PCDHGA1: variants seen among roughly 807,000 people sequenced by gnomAD.
PCDHGA1 encodes protocadherin gamma subfamily A, 1.
A neutral mutation model predicts 58.0 loss-of-function variants in PCDHGA1; 32 were observed. The ratio of observed to expected loss-of-function variants is 0.55; its 90% CI spans 0.42 to 0.74. The LOEUF (loss-of-function observed/expected upper bound fraction) is 0.74. Ranked by LOEUF, PCDHGA1 falls within the 30% of genes least tolerant of loss-of-function variation. PCDHGA1 has a pLI of 0.00. For synonymous variants in PCDHGA1, 498 were observed against 501.1 expected (o/e 0.99, Z 0.08); for missense variants, 1,205 against 1,182.3 (o/e 1.02, Z -0.28).
intron 1 of PCDHGA1, chr5:141,390,525 G>C: frequency 1.8e-6 from 1 of 552,024 alleles, no homozygotes; most frequent in Non-Finnish European, 3.2e-6. Context: ...CAATGAGGGT[G>C]TGGTTTTAAC....
intron 3 of PCDHGA1, among the ~76,000 whole-genome samples, chr5:141,506,948 G>A (rs949082646): frequency 6.6e-6 from 1 of 152,162 alleles, no homozygotes; most frequent in Non-Finnish European, 1.5e-5. Flanking sequence ...TCCTGTCAAT[G>A]AATCCTCTCA....
intron 1 of PCDHGA1, among the ~76,000 whole-genome samples, chr5:141,444,771 T>C (rs987549188): frequency 6.6e-6 from 1 of 152,246 alleles, no homozygotes; most frequent in African/African-American, 2.4e-5. Context: ...TTCTATATTC[T>C]TGATCATGTT....
intron 1 of PCDHGA1, chr5:141,350,994 G>A: frequency 1.2e-6 from 2 of 1,614,076 alleles, no homozygotes; most frequent in South Asian, 1.1e-5. Flanking sequence ...GAGGTATACA[G>A]GGTTAGCCTC....
intron 1 of PCDHGA1, chr5:141,393,748 G>A (rs368249829): frequency 1.2e-6 from 2 of 1,613,866 alleles, no homozygotes; most frequent in Non-Finnish European, 8.5e-7. Flanking sequence ...TATGAAGAAT[G>A]TTCATTTTAT....
At chr5:141,351,238 C>G in intron 1 of PCDHGA1, 1 of 1,614,038 alleles carries the variant, frequency 6.2e-7, no homozygotes. Context: ...ACACAGCTCA[C>G]TGTAATGTTC....
chr5:141,502,037 C>T (rs2154593041), intron 2 of PCDHGA1, among the ~76,000 whole-genome samples: 1 of 152,302 alleles, frequency 6.6e-6, no homozygotes, highest in East Asian at 1.9e-4. Context: ...CGCCGCTTGC[C>T]TGCTCTCCCT....
At chr5:141,403,524 A>T in intron 1 of PCDHGA1, 1 of 1,613,890 alleles carries the variant, frequency 6.2e-7, no homozygotes. Context: ...GGAGCCATAA[A>T]CCCAGAGCTG....
intron 1 of PCDHGA1, chr5:141,405,129 G>C: frequency 6.2e-7 from 1 of 1,613,964 alleles, no homozygotes. Flanking sequence ...CATCTGCTGC[G>C]GGCTACCAGT....
At position 141,477,532 on chromosome 5, in the gene PCDHGA1, CG is replaced by C; in HGVS notation, c.2422-17271del. 6.2e-7 allele frequency: 1 copy of C among 1,614,146 alleles called. No individual in the cohort carries two copies. The highest frequency in any genetic ancestry group is 8.5e-7 in the Non-Finnish European group (1 of 1,180,028). Reference sequence around the variant, plus strand: ...TTTACATTGAAGAAAACAACCTCCCCGGGGCTCCAATACTAAACCTAAGTGT... The same window carrying C: ...TTTACATTGAAGAAAACAACCTCCCCGGGCTCCAATACTAAACCTAAGTGT... On this transcript the variant is annotated intron_variant, in intron 1 of 3. Transcript: ENST00000517417. This position sits in a 1 kb window ranked among gnomAD's most constrained non-coding sequence, Gnocchi z 4.9.
chr5:141,345,381 C>T (rs1360019726), intron 1 of PCDHGA1: 1 of 1,613,992 alleles, frequency 6.2e-7, no homozygotes, highest in Non-Finnish European at 8.5e-7. Context: ...TGACAACCCA[C>T]CCACCTTCCC....
At chr5:141,382,787 T>A in intron 1 of PCDHGA1, 1 of 906,454 alleles carries the variant, frequency 1.1e-6, no homozygotes, top group Non-Finnish European at 1.7e-6. Context: ...CTCAAGCCTC[T>A]ATCCTGCTGG....
intron 1 of PCDHGA1, chr5:141,398,109 G>T: frequency 6.3e-7 from 1 of 1,594,204 alleles, no homozygotes; most frequent in Non-Finnish European, 8.5e-7. Context: ...TGGTGAGCAA[G>T]CTGAGGAGAG....
At chr5:141,349,887 T>C (rs975858000) in intron 1 of PCDHGA1, among the ~76,000 whole-genome samples, 1 of 152,178 alleles carries the variant, frequency 6.6e-6, no homozygotes, top group African/African-American at 2.4e-5. Context: ...CCTTATCTGA[T>C]GATGACAAAC....
In PCDHGA1 at chr5:141,331,934, G is replaced by T; in HGVS notation, c.1250G>T (p.Gly417Val). Reference protein sequence around the residue: ...ERTLDRELISGYNITITAIDQ... With the variant: ...ERTLDRELISVYNITITAIDQ... ...ACACTGGACAGAGAACTTATCTCTG[G>T]GTACAACATCACAATAACAGCAATA... The change falls in exon 1 of 4, where the codon GGG becomes GTG. Residue 417 changes from glycine (G) to valine (V), a missense_variant. By Grantham distance (109) the Gly-to-Val change is moderately radical. Coordinates refer to ENST00000517417, the MANE Select transcript of PCDHGA1 (RefSeq NM_018912.3). 6.2e-7 allele frequency: 1 copy of T among 1,613,964 alleles called. No individual in the cohort carries two copies. The highest frequency in any genetic ancestry group is 8.5e-7 in the Non-Finnish European group (1 of 1,180,000).
intron 1 of PCDHGA1, among the ~76,000 whole-genome samples, chr5:141,463,135 C>T (rs1352400365): frequency 6.6e-6 from 1 of 152,246 alleles, no homozygotes; most frequent in Middle Eastern, 3.4e-3. Context: ...GGCAGTTCTT[C>T]GCCCAGCTGC....
intron 1 of PCDHGA1, chr5:141,355,058 T>C (rs1759702915): frequency 1.6e-6 from 2 of 1,271,556 alleles, no homozygotes; most frequent in Non-Finnish European, 1.1e-6. Context: ...GCACTGGCTC[T>C]GGAGCTTTAT....
intron 2 of PCDHGA1, among the ~76,000 whole-genome samples, chr5:141,499,083 C>G (rs2099789346): frequency 6.6e-6 from 1 of 152,082 alleles, no homozygotes; most frequent in African/African-American, 2.4e-5. Flanking sequence ...GAAGTTCCTG[C>G]TTGGCACATG....
chr5:141,396,882 G>C (rs2093447309), intron 1 of PCDHGA1, among the ~76,000 whole-genome samples: 3 of 152,208 alleles, frequency 2.0e-5, no homozygotes, highest in African/African-American at 7.2e-5. Flanking sequence ...GCACATTTGA[G>C]AGGACAACAT....
intron 1 of PCDHGA1, chr5:141,478,781 A>G: frequency 6.7e-7 from 1 of 1,485,388 alleles, no homozygotes; most frequent in Non-Finnish European, 9.0e-7. Flanking sequence ...TGTGGACCTA[A>G]TTCACATCCT....
Sources: gnomAD v4.1 joint callset for allele counts (sites outside exome capture counted in the v4.1 genomes callset) on GRCh38, gnomAD v4.1.1 for gene constraint, Gnocchi (gnomAD v3.1) non-coding constraint, MANE v1.5 for transcripts, NCBI Gene and HGNC (gene_info 2026-07-23, HGNC 2026-07-21) for gene names.